Variants in SLC2A13 observed in about 807,000 individuals in gnomAD.
The protein encoded by SLC2A13 is solute carrier family 2 member 13.
Under a neutral mutation model 64.4 loss-of-function variants are expected in SLC2A13, and 32 were observed. That is an observed-to-expected ratio of 0.50 (90% CI 0.37 to 0.67). SLC2A13 has a LOEUF of 0.67. Among genes scored for constraint, SLC2A13 ranks in the 30% least tolerant of loss-of-function variants. The probability of loss-of-function intolerance (pLI) is 0.00; values close to 1 mark genes in which losing one functional copy is unlikely to be tolerated. For missense variants in SLC2A13, 743 were observed against 829.2 expected, an observed-to-expected ratio of 0.90 and a Z score of 1.28; for synonymous variants, 338 against 327.1, an observed-to-expected ratio of 1.03 and a Z score of -0.36.
intron 5 of SLC2A13, among the ~76,000 whole-genome samples, chr12:39,870,823 G>A (rs1289191598): frequency 6.6e-6 from 1 of 152,160 alleles, no homozygotes; most frequent in Non-Finnish European, 1.5e-5. Flanking sequence ...ATTCTGGAAT[G>A]AGGGTCAGGA....
chr12:39,832,156 G>A (rs774589795), intron 6 of SLC2A13, among the ~76,000 whole-genome samples: 10 of 152,118 alleles, frequency 6.6e-5, no homozygotes, highest in Non-Finnish European at 1.2e-4. Context: ...CCACACTGGT[G>A]ATAAGCACAC....
At chr12:40,049,156 C>G (rs1411563424) in intron 1 of SLC2A13, among the ~76,000 whole-genome samples, 3 of 151,436 alleles carry the variant, frequency 2.0e-5, no homozygotes, top group African/African-American at 7.3e-5. Context: ...TCAGCCTTAC[C>G]CAAAGGTTGG....
chr12:39,873,839 AC>A (rs1944116742), intron 4 of SLC2A13, among the ~76,000 whole-genome samples: 1 of 152,190 alleles, frequency 6.6e-6, no homozygotes, highest in South Asian at 2.1e-4. Flanking sequence ...TCAGAATGTA[AC>A]CAAAAACTGA....
intron 4 of SLC2A13, among the ~76,000 whole-genome samples, chr12:39,909,631 G>A (rs981084491): frequency 6.6e-6 from 1 of 152,092 alleles, no homozygotes; most frequent in Non-Finnish European, 1.5e-5. Flanking sequence ...TAAGGTGAAT[G>A]TGAAACAGCC....
At chr12:39,924,505 G>A (rs1398793654) in intron 4 of SLC2A13, among the ~76,000 whole-genome samples, 1 of 148,930 alleles carries the variant, frequency 6.7e-6, no homozygotes, top group East Asian at 2.0e-4. Context: ...CAATTTTTGA[G>A]GACAGTGATA....
At chr12:39,801,579 A>C (rs1166230687) in intron 7 of SLC2A13, among the ~76,000 whole-genome samples, 1 of 152,220 alleles carries the variant, frequency 6.6e-6, no homozygotes, top group Non-Finnish European at 1.5e-5. Context: ...TACAAAGATT[A>C]TTACAGCAGG....
intron 4 of SLC2A13, among the ~76,000 whole-genome samples, chr12:39,918,957 C>CGT (rs1565541640): frequency 4.6e-5 from 7 of 151,448 alleles, no homozygotes; most frequent in African/African-American, 1.2e-4. Flanking sequence ...CACACACACA[C>CGT]GTGTGTGTAT....
At chr12:39,797,917 C>T (rs891751528) in intron 7 of SLC2A13, among the ~76,000 whole-genome samples, 9 of 152,056 alleles carry the variant, frequency 5.9e-5, no homozygotes, top group Admixed American at 5.9e-4. Flanking sequence ...CCAGAATATC[C>T]CCCAGTGATC....
At position 39,898,594 on chromosome 12, in the gene SLC2A13, T is replaced by C. The variant is rs1371604787; in HGVS notation, c.1035-26633A>G. Reference sequence around the variant, plus strand: ...CTTTAGGGACATTTTTATTGTAACATCTGTGTCTTCAAATTGAAGAATCAG... The same window carrying C: ...CTTTAGGGACATTTTTATTGTAACACCTGTGTCTTCAAATTGAAGAATCAG... On this transcript the variant is annotated intron_variant, in intron 4 of 9. Transcript: ENST00000280871. 4.6e-5 allele frequency among the ~76,000 whole-genome samples: 7 copies of C among 152,138 alleles called. No individual in the cohort carries two copies. In the East Asian group the frequency reaches 1.3e-3, roughly 29 times the overall value.
At chr12:39,929,799 T>C in intron 4 of SLC2A13, among the ~76,000 whole-genome samples, 1 of 152,048 alleles carries the variant, frequency 6.6e-6, no homozygotes, top group East Asian at 1.9e-4. Flanking sequence ...GCAGAAAGAA[T>C]TAGTGAGGGG....
Position 40,048,229 on chromosome 12 carries a change from G to A in SLC2A13, c.557-19C>T. ...GCAATGCCTATAAAAACAATGAAAA[G>A]TAAATGTGAGACATTTACTCAAGAT... On this transcript the variant is annotated intron_variant, in intron 1 of 9. Coordinates refer to ENST00000280871, the MANE Select transcript of SLC2A13 (RefSeq NM_052885.4). 5 of 1,581,850 alleles carry A rather than the reference G, an allele frequency of 3.2e-6. No individual in the cohort carries two copies. The highest frequency in any genetic ancestry group is 1.2e-5 in the South Asian group (1 of 84,742).
At chr12:39,898,432 G>T (rs1239044057) in intron 4 of SLC2A13, among the ~76,000 whole-genome samples, 1 of 152,090 alleles carries the variant, frequency 6.6e-6, no homozygotes, top group Non-Finnish European at 1.5e-5. Context: ...AATAACCAGT[G>T]TTTGTGTGTC....
At chr12:40,035,580 A>T (rs1947971050) in intron 2 of SLC2A13, among the ~76,000 whole-genome samples, 2 of 152,338 alleles carry the variant, frequency 1.3e-5, no homozygotes, top group Middle Eastern at 3.4e-3. Flanking sequence ...AAGGTACCTA[A>T]GAAAAATTTC....
chr12:39,973,704 C>T (rs1053643532), intron 3 of SLC2A13, among the ~76,000 whole-genome samples: 5 of 152,210 alleles, frequency 3.3e-5, no homozygotes, highest in Admixed American at 6.5e-5. Context: ...CTAGAGTCAT[C>T]TTTCCCTCAC....
intron 4 of SLC2A13, among the ~76,000 whole-genome samples, chr12:39,939,801 T>C (rs1243596200): frequency 1.3e-5 from 2 of 152,214 alleles, no homozygotes; most frequent in Non-Finnish European, 2.9e-5. Context: ...TAACTTTTCA[T>C]CCAAGAAAGG....
At chr12:40,084,553 C>A (rs1938529306) in intron 1 of SLC2A13, among the ~76,000 whole-genome samples, 1 of 152,126 alleles carries the variant, frequency 6.6e-6, no homozygotes, top group South Asian at 2.1e-4. Flanking sequence ...CAGGACTGAG[C>A]ACCAAATCCA....
At chr12:39,773,515 GCCTTTTAAAATGTTACCTCT>G (rs1940661557) in intron 7 of SLC2A13, among the ~76,000 whole-genome samples, 1 of 152,132 alleles carries the variant, frequency 6.6e-6, no homozygotes, top group African/African-American at 2.4e-5. Context: ...ATCTATTTCT[GCCTTTTAAAATGTTACCTCT>G]CCATCATTTA....
At chr12:39,812,716 C>A (rs2135809337) in intron 7 of SLC2A13, among the ~76,000 whole-genome samples, 1 of 152,112 alleles carries the variant, frequency 6.6e-6, no homozygotes, top group Middle Eastern at 3.4e-3. Context: ...AAGTGATCCA[C>A]CTGCCTCAGC....
At chr12:40,021,289 T>C (rs574758795) in intron 3 of SLC2A13, among the ~76,000 whole-genome samples, 2 of 152,280 alleles carry the variant, frequency 1.3e-5, no homozygotes, top group Admixed American at 1.3e-4. Flanking sequence ...TAATGTAAAA[T>C]CCAAGAATGA....
Sources: gnomAD v4.1 joint callset for allele counts (sites outside exome capture counted in the v4.1 genomes callset) on GRCh38, gnomAD v4.1.1 for gene constraint, MANE v1.5 for transcripts, NCBI Gene and HGNC (gene_info 2026-07-23, HGNC 2026-07-21) for gene names.